The following HLF variants were observed in gnomAD, a reference collection of about 807,000 sequenced individuals.
HLF encodes HLF transcription factor, PAR bZIP family member.
In HLF, 3 loss-of-function variants were observed where a neutral mutation model predicts 22.6. That is an observed-to-expected ratio of 0.13 (90% CI 0.06 to 0.34). The LOEUF (loss-of-function observed/expected upper bound fraction) is 0.34. Ranked by LOEUF, HLF falls within the 10% of genes least tolerant of loss-of-function variation. HLF has a pLI of 1.00. For missense variants in HLF, 299 were observed against 389.2 expected, an observed-to-expected ratio of 0.77 and a Z score of 1.95; for synonymous variants, 151 against 151.8, an observed-to-expected ratio of 0.99 and a Z score of 0.04.
At chr17:55,306,767 C>T (rs1244507105) in intron 2 of HLF, among the ~76,000 whole-genome samples, 2 of 152,118 alleles carry the variant, frequency 1.3e-5, no homozygotes, top group Non-Finnish European at 2.9e-5. Flanking sequence ...TCTCCCCCTC[C>T]CTTTTGATGC....
chr17:55,320,924 T>C lies in HLF; in HGVS notation c.*45T>C. 1 of 1,497,522 alleles carries C rather than the reference T, an allele frequency of 6.7e-7. No individual in the cohort carries two copies. Among genetic ancestry groups the C allele is most frequent in the South Asian group, 1.2e-5 (1 of 83,764 alleles). The allele number at this position is 1,497,522 out of a possible 1,614,324, so 92.8% of individuals were successfully genotyped here. A position where few individuals can be genotyped will look rare whatever the true frequency, so the allele number is the denominator to read the frequency against. On this transcript the variant is annotated 3_prime_UTR_variant, in exon 4 of 4. Transcript: ENST00000226067. The surrounding 1 kb of genome is among the most constrained non-coding windows in gnomAD (Gnocchi z 4.2). Reference sequence around the variant, plus strand: ...GGCTTTGGAATAGATGGACAGTTTGTTTCCTGTCTGATAGCACCACACGCA... The same window carrying C: ...GGCTTTGGAATAGATGGACAGTTTGCTTCCTGTCTGATAGCACCACACGCA...
Position 55,278,012 on chromosome 17 carries a change from C to T in HLF, c.451+9926C>T, listed in dbSNP as rs970409729. ...TACCCATCCAATCTCATTTTCTTTCCTGAAAAACTACACAGCTCCCCTGTC... is the reference window on the plus strand; with the variant it reads ...TACCCATCCAATCTCATTTTCTTTCTTGAAAAACTACACAGCTCCCCTGTC... On this transcript the variant is annotated intron_variant, in intron 2 of 3. Transcript: ENST00000226067. Among the ~76,000 whole-genome samples, 22 of 152,248 alleles carry T rather than the reference C, an allele frequency of 1.4e-4. 1 individual carries two copies. The highest frequency in any genetic ancestry group is 6.8e-3 in the Middle Eastern group (2 of 294).
chr17:55,293,767 T>C (rs2081087710), intron 2 of HLF, among the ~76,000 whole-genome samples: 1 of 152,178 alleles, frequency 6.6e-6, no homozygotes, highest in African/African-American at 2.4e-5. Context: ...CTCAATGGGC[T>C]GCTTCTCAGT....
intron 2 of HLF, among the ~76,000 whole-genome samples, chr17:55,300,930 T>G (rs1195553800): frequency 1.3e-5 from 2 of 152,256 alleles, no homozygotes; most frequent in African/African-American, 2.4e-5. Flanking sequence ...CTTACCACTC[T>G]TCTTACCCGC....
At chr17:55,280,153 CTTCTT>C (rs2080940670) in intron 2 of HLF, among the ~76,000 whole-genome samples, 1 of 152,248 alleles carries the variant, frequency 6.6e-6, no homozygotes, top group Non-Finnish European at 1.5e-5. Context: ...TATTCCTTCT[CTTCTT>C]CCACCTCCAT....
At chr17:55,306,203 G>A (rs148450871) in intron 2 of HLF, among the ~76,000 whole-genome samples, 1 of 152,166 alleles carries the variant, frequency 6.6e-6, no homozygotes, top group East Asian at 1.9e-4. Context: ...CCTGGAGACA[G>A]AGCAAGATCC....
chr17:55,305,506 CCTTT>C (rs1904504915), intron 2 of HLF, among the ~76,000 whole-genome samples: 1 of 152,314 alleles, frequency 6.6e-6, no homozygotes, highest in South Asian at 2.1e-4. Flanking sequence ...GTCTCCCCTT[CCTTT>C]CTCTTCTGCC....
At chr17:55,277,741 C>A (rs1204561273) in intron 2 of HLF, among the ~76,000 whole-genome samples, 1 of 152,122 alleles carries the variant, frequency 6.6e-6, no homozygotes, top group Non-Finnish European at 1.5e-5. Flanking sequence ...TGCCATAACC[C>A]AATCTAGTTC....
chr17:55,295,318 A>G (rs1186581351), intron 2 of HLF, among the ~76,000 whole-genome samples: 1 of 152,244 alleles, frequency 6.6e-6, no homozygotes, highest in Non-Finnish European at 1.5e-5. Context: ...CTAAGAATGA[A>G]TTTTCATTAA....
intron 2 of HLF, among the ~76,000 whole-genome samples, chr17:55,296,408 C>T (rs1012664220): frequency 1.3e-5 from 2 of 152,264 alleles, no homozygotes; most frequent in East Asian, 1.9e-4. Context: ...ACAGTTTCTG[C>T]GTACTCTTCC....
At chr17:55,282,241 T>C (rs1199276849) in intron 2 of HLF, among the ~76,000 whole-genome samples, 1 of 152,222 alleles carries the variant, frequency 6.6e-6, no homozygotes, top group Non-Finnish European at 1.5e-5. Context: ...GTAGTTAATA[T>C]CTTTGGAGTC....
At chr17:55,308,652 A>G (rs1190207404) in intron 2 of HLF, among the ~76,000 whole-genome samples, 2 of 152,246 alleles carry the variant, frequency 1.3e-5, no homozygotes, top group Admixed American at 6.5e-5. Flanking sequence ...TTCACAGCGT[A>G]AAACGACTGT....
At chr17:55,281,525 A>G (rs1166525059) in intron 2 of HLF, among the ~76,000 whole-genome samples, 1 of 152,150 alleles carries the variant, frequency 6.6e-6, no homozygotes, top group East Asian at 1.9e-4. Context: ...AACAAAACAA[A>G]CAAAACAAAA....
chr17:55,301,989 G>A (rs970934849), intron 2 of HLF, among the ~76,000 whole-genome samples: 31 of 152,226 alleles, frequency 2.0e-4, no homozygotes, highest in African/African-American at 7.2e-4. Flanking sequence ...TTTAACAGTG[G>A]TGGGCAAACT....
At position 55,322,490 on chromosome 17, in the gene HLF, A is replaced by G. The variant is rs1488215821; in HGVS notation, c.*1611A>G. 2 of 210,130 alleles carry G rather than the reference A, an allele frequency of 9.5e-6. No homozygotes were observed. Among genetic ancestry groups the G allele is most frequent in the Non-Finnish European group, 1.9e-5 (2 of 103,332 alleles). 13.0% of individuals were successfully genotyped at this position (210,130 alleles called of 1,614,324 possible). A position where few individuals can be genotyped will look rare whatever the true frequency, so the allele number is the denominator to read the frequency against. ...AGAAGAAGTGCTTGGGGGTTTTTGA[A>G]GTCTTTAATATTTTAAGCCCTATCA... On this transcript the variant is annotated 3_prime_UTR_variant, in exon 4 of 4. Transcript: ENST00000226067.
rs915573910 is a variant in HLF, at chr17:55,323,699, A to G, written c.*2820A>G. On this transcript the variant is annotated 3_prime_UTR_variant, in exon 4 of 4. Coordinates refer to ENST00000226067, the MANE Select transcript of HLF (RefSeq NM_002126.5). Reference sequence around the variant, plus strand: ...TCTCCATCCAGGGCAGTTAACTAGCAAACAAGGCAGATCTGCTTCATGGAG... The same window carrying G: ...TCTCCATCCAGGGCAGTTAACTAGCGAACAAGGCAGATCTGCTTCATGGAG... 4.3e-6 allele frequency: 1 copy of G among 230,060 alleles called. No individual in the cohort carries two copies. Among genetic ancestry groups the G allele is most frequent in the Non-Finnish European group, 8.6e-6 (1 of 115,738 alleles). The allele number at this position is 230,060 out of a possible 1,614,324, so 14.3% of individuals were successfully genotyped here. A position where few individuals can be genotyped will look rare whatever the true frequency, so the allele number is the denominator to read the frequency against.
chr17:55,292,967 T>C (rs2081078161), intron 2 of HLF, among the ~76,000 whole-genome samples: 1 of 152,148 alleles, frequency 6.6e-6, no homozygotes, highest in Admixed American at 6.5e-5. Flanking sequence ...GACAGTAGAA[T>C]GATGGTTACC....
At chr17:55,301,748 AT>A (rs1378533507) in intron 2 of HLF, among the ~76,000 whole-genome samples, 1 of 152,228 alleles carries the variant, frequency 6.6e-6, no homozygotes, top group Admixed American at 6.5e-5. Context: ...TCCTTTGATC[AT>A]GGTGGCGATA....
chr17:55,277,230 A>T, intron 2 of HLF, among the ~76,000 whole-genome samples: 1 of 96,570 alleles, frequency 1.0e-5, no homozygotes, highest in African/African-American at 3.5e-5. Flanking sequence ...ATTGAACCAG[A>T]TGTTATGTGT....
Sources: allele counts gnomAD v4.1 joint callset (sites outside exome capture counted in the v4.1 genomes callset), GRCh38; gene constraint gnomAD v4.1.1; non-coding constraint Gnocchi (gnomAD v3.1); transcripts MANE v1.5; gene names NCBI Gene and HGNC (gene_info 2026-07-23, HGNC 2026-07-21).